Variants in SSBP2 observed in about 807,000 individuals in gnomAD.
SSBP2 encodes single stranded DNA binding protein 2, also known as single-stranded DNA-binding protein 2.
In SSBP2, 17 loss-of-function variants were observed where a neutral mutation model predicts 61.8. That is an observed-to-expected ratio of 0.28 (90% CI 0.19 to 0.41). The LOEUF is 0.41. SSBP2 is among the 10% of genes least tolerant of loss of function. The pLI is 1.00. For missense variants in SSBP2, 310 were observed against 458.7 expected (o/e 0.68, Z 2.96); for synonymous variants, 139 against 141.3 (o/e 0.98, Z 0.12).
chr5:81,606,890 G>T (rs1581152828), intron 4 of SSBP2, among the ~76,000 whole-genome samples: 1 of 152,178 alleles, frequency 6.6e-6, no homozygotes, highest in South Asian at 2.1e-4. Flanking sequence ...TTAACTTATA[G>T]CAAGTTCCCA....
At chr5:81,547,272 G>A (rs1771809672) in intron 4 of SSBP2, among the ~76,000 whole-genome samples, 2 of 152,034 alleles carry the variant, frequency 1.3e-5, no homozygotes, top group Admixed American at 1.3e-4. Context: ...CTTACCCAAG[G>A]AGTTGAAAAC....
At chr5:81,432,342 T>A (rs150148139) in intron 15 of SSBP2, among the ~76,000 whole-genome samples, 286 of 152,318 alleles carry the variant, frequency 1.9e-3, no homozygotes, top group African/African-American at 6.6e-3. Flanking sequence ...TTATTAAACA[T>A]GATATGATCA....
intron 9 of SSBP2, 113 bp downstream of exon 9, chr5:81,466,861 C>A: frequency 1.7e-6 from 1 of 591,868 alleles, no homozygotes; most frequent in Non-Finnish European, 2.7e-6. Context: ...AAATTAACGT[C>A]ATTTTAGAGG....
intron 8 of SSBP2, among the ~76,000 whole-genome samples, chr5:81,468,318 C>T (rs1765026712): frequency 6.6e-6 from 1 of 151,968 alleles, no homozygotes; most frequent in African/African-American, 2.4e-5. Flanking sequence ...TTGTCACTTA[C>T]TGAGACTACT....
In SSBP2 at chr5:81,415,030, TG is replaced by T. The variant is rs1761251835; in HGVS notation, c.*5473del. 1.3e-5 allele frequency: 2 copies of T among 152,240 alleles called. No individual in the cohort carries two copies. Among genetic ancestry groups the T allele is most frequent in the South Asian group, 4.1e-4 (2 of 4,830 alleles). 9.4% of individuals were successfully genotyped at this position (152,240 alleles called of 1,614,324 possible). On this transcript the variant is annotated 3_prime_UTR_variant, in exon 17 of 17. Transcript: ENST00000320672. ...ACTTTTCTAGTTATTTCTCAAGGTATGGTTCACAGACCCAGGGAGACCTTTA... is the reference window on the plus strand; with the variant it reads ...ACTTTTCTAGTTATTTCTCAAGGTATGTTCACAGACCCAGGGAGACCTTTA...
At chr5:81,515,412 A>G (rs1331001909) in intron 4 of SSBP2, among the ~76,000 whole-genome samples, 2 of 151,984 alleles carry the variant, frequency 1.3e-5, no homozygotes, top group Non-Finnish European at 2.9e-5. Context: ...AATCACACTC[A>G]CCTGTACTTT....
intron 6 of SSBP2, among the ~76,000 whole-genome samples, chr5:81,487,342 C>G (rs1435632781): frequency 6.6e-6 from 1 of 152,036 alleles, no homozygotes; most frequent in African/African-American, 2.4e-5. Flanking sequence ...CAAATAAATA[C>G]TTATGATATT....
intron 10 of SSBP2, among the ~76,000 whole-genome samples, chr5:81,449,287 C>G (rs2153976414): frequency 6.6e-6 from 1 of 152,236 alleles, no homozygotes; most frequent in African/African-American, 2.4e-5. Flanking sequence ...CTCCCTTTTT[C>G]TCTTCAAATC....
chr5:81,648,208 T>C (rs1749434145), intron 2 of SSBP2, among the ~76,000 whole-genome samples: 1 of 152,138 alleles, frequency 6.6e-6, no homozygotes. Flanking sequence ...TTTTGCAATC[T>C]CAATCACTTC....
intron 12 of SSBP2, among the ~76,000 whole-genome samples, chr5:81,443,574 GT>G (rs1434051960): frequency 6.6e-6 from 1 of 151,972 alleles, no homozygotes; most frequent in East Asian, 1.9e-4. Flanking sequence ...GTTTTATTTT[GT>G]TTTTTTAGAC....
At chr5:81,473,902 C>A in intron 7 of SSBP2, 132 bp from the exon 8 acceptor site, 1 of 772,158 alleles carries the variant, frequency 1.3e-6, no homozygotes, top group Non-Finnish European at 2.2e-6. Flanking sequence ...CTTACCTTGG[C>A]TTCCAGACCA....
chr5:81,685,882 A>T (rs762322801), intron 1 of SSBP2, among the ~76,000 whole-genome samples: 1 of 152,236 alleles, frequency 6.6e-6, no homozygotes, highest in African/African-American at 2.4e-5. Flanking sequence ...ATGCACAAAG[A>T]ATATCATTAT....
intron 2 of SSBP2, among the ~76,000 whole-genome samples, chr5:81,637,817 G>A (rs753547860): frequency 7.2e-5 from 11 of 152,180 alleles, no homozygotes; most frequent in South Asian, 2.1e-4. Flanking sequence ...TGTTTATTAC[G>A]GCGATATTCA....
rs544712964 is a variant in SSBP2 at position 81,595,835 on chromosome 5, C to T, written c.282+19638G>A. On this transcript the variant is annotated intron_variant, in intron 4 of 16. Transcript: ENST00000320672. ...CTCAATAAATTAGGTATTGATGGGA[C>T]GTATTTCAAAATAATAAGAGCTATC... Among the ~76,000 whole-genome samples, 13 of 152,224 alleles carry T rather than the reference C, an allele frequency of 8.5e-5. No homozygotes were observed. The South Asian group carries it at 1.9e-3, about 22-fold the overall frequency.
At chr5:81,505,187 C>T (rs1768086747) in intron 5 of SSBP2, among the ~76,000 whole-genome samples, 1 of 152,164 alleles carries the variant, frequency 6.6e-6, no homozygotes, top group African/African-American at 2.4e-5. Flanking sequence ...GAAACACAGC[C>T]ATGCTCTTTA....
intron 4 of SSBP2, among the ~76,000 whole-genome samples, chr5:81,550,317 A>G (rs1019972369): frequency 6.6e-6 from 1 of 152,174 alleles, no homozygotes; most frequent in Admixed American, 6.5e-5. Flanking sequence ...CCAAAACTGC[A>G]AATTCCTTGA....
At chr5:81,652,692 G>A (rs996437370) in intron 1 of SSBP2, among the ~76,000 whole-genome samples, 1 of 152,102 alleles carries the variant, frequency 6.6e-6, no homozygotes, top group Non-Finnish European at 1.5e-5. Flanking sequence ...AGCAATGCAT[G>A]GGTGAACAAC....
chr5:81,706,193 C>A (rs575670910), intron 1 of SSBP2, among the ~76,000 whole-genome samples: 2 of 152,250 alleles, frequency 1.3e-5, no homozygotes, highest in African/African-American at 2.4e-5. Flanking sequence ...AACATGGATG[C>A]AGCTGGAGGC....
chr5:81,591,583 G>A (rs1314410436), intron 4 of SSBP2, among the ~76,000 whole-genome samples: 1 of 152,044 alleles, frequency 6.6e-6, no homozygotes, highest in Non-Finnish European at 1.5e-5. Flanking sequence ...TCCACAGACA[G>A]AAACTGTGAG....
Sources: allele counts gnomAD v4.1 joint callset (sites outside exome capture counted in the v4.1 genomes callset), GRCh38; gene constraint gnomAD v4.1.1; transcripts MANE v1.5; gene names NCBI Gene and HGNC (gene_info 2026-07-23, HGNC 2026-07-21).